The following RAC2 variants were observed in gnomAD, a reference collection of about 807,000 sequenced individuals.
RAC2 encodes ras-related C3 botulinum toxin substrate 2.
In RAC2, 1 loss-of-function variant was observed where a neutral mutation model predicts 24.0. The ratio of observed to expected loss-of-function variants is 0.04; its 90% confidence interval spans 0.01 to 0.20. The LOEUF (loss-of-function observed/expected upper bound fraction) is 0.20, where lower values mean the gene tolerates loss of function less well. Ranked by LOEUF, RAC2 falls within the 10% of genes least tolerant of loss-of-function variation. The pLI is 1.00. For synonymous variants in RAC2, 114 were observed against 106.8 expected, an observed-to-expected ratio of 1.07 and a Z score of -0.41; for missense variants, 130 against 259.1, an observed-to-expected ratio of 0.50 and a Z score of 3.42.
chr22:37,242,932 C>T (rs1052176123), intron 1 of RAC2, among the ~76,000 whole-genome samples: 4 of 152,214 alleles, frequency 2.6e-5, no homozygotes, highest in Non-Finnish European at 5.9e-5. Flanking sequence ...CAGGGTGAGC[C>T]TGTAGGCTGG....
At chr22:37,243,613 CGA>C (rs1180821892) in intron 1 of RAC2, among the ~76,000 whole-genome samples, 3 of 152,202 alleles carry the variant, frequency 2.0e-5, no homozygotes, top group African/African-American at 7.2e-5. Flanking sequence ...TTATCTCAAG[CGA>C]CCCCACAGCA....
intron 2 of RAC2, among the ~76,000 whole-genome samples, chr22:37,236,681 AG>A (rs1423639492): frequency 6.6e-6 from 1 of 152,146 alleles, no homozygotes; most frequent in Non-Finnish European, 1.5e-5. Context: ...CCCAGCACCC[AG>A]GTATCACCTG....
rs376828859 is a variant in RAC2 at position 37,232,938 on chromosome 22, C to T, written c.108-20G>A. On this transcript the variant is annotated intron_variant, in intron 2 of 6. Transcript: ENST00000249071. ...TCAAACCTGTGGGGAGCAGGCAAGG[C>T]GGAGGTAAGGTCAATCTCAAACCCC... 28 of 1,581,118 alleles carry T rather than the reference C, an allele frequency of 1.8e-5. No homozygotes were observed. The highest frequency in any genetic ancestry group is 1.2e-4 in the African/African-American group (9 of 74,294).
intron 1 of RAC2, 29 bp downstream of exon 1, chr22:37,244,085 G>A (rs1927489023): frequency 2.5e-6 from 4 of 1,614,014 alleles, no homozygotes; most frequent in Non-Finnish European, 3.4e-6. Context: ...CCAGTTGGGG[G>A]CTGTGAGGAA....
At position 37,226,693 on chromosome 22, in the gene RAC2, G is replaced by A. The variant is rs2145819256; in HGVS notation, c.559C>T (p.Arg187Cys). 2 of 1,612,940 alleles carry A rather than the reference G, an allele frequency of 1.2e-6. No homozygotes were observed. The highest frequency in any genetic ancestry group is 1.3e-5 in the African/African-American group (1 of 74,952). ...TACCCCTAGAGGAGGCTGCAGGCGC[G>A]CTTCTGCTGCCGCGTGGGCTGAGGG... ...LCPQPTRQQK[R>C]ACSLL The change falls in exon 6 of 7, where the codon CGC becomes TGC. Residue 187 changes from arginine (R) to cysteine (C), a missense_variant. Physicochemically the swap from Arg to Cys is radical, Grantham distance 180 (BLOSUM62 -3). Transcript: ENST00000249071.
chr22:37,240,805 G>T (rs1057012871), intron 2 of RAC2: 46 of 561,266 alleles, frequency 8.2e-5, no homozygotes, highest in African/African-American at 7.9e-4. Flanking sequence ...CTTTAGACAG[G>T]TGGATGTGGG....
chr22:37,232,360 C>T, intron 3 of RAC2: 1 of 435,762 alleles, frequency 2.3e-6, no homozygotes, highest in South Asian at 2.2e-5. Context: ...TACTCCAATC[C>T]ATATACTATC....
intron 1 of RAC2, 51 bp from the exon 2 acceptor site, chr22:37,241,709 C>G (rs369464677): frequency 6.5e-7 from 1 of 1,539,940 alleles, no homozygotes; most frequent in South Asian, 1.1e-5. Context: ...CTGCCGGAGA[C>G]GTGGGGAGGT....
In RAC2 at chr22:37,244,250, C is replaced by G; in HGVS notation, c.-102G>C. ...GGCTGGTGAGGCGCCTGCTGAGGAG[C>G]AGCGGTGGTGGGGCAGGAGGAAACG... On this transcript the variant is annotated 5_prime_UTR_variant, in exon 1 of 7. Coordinates refer to ENST00000249071, the MANE Select transcript of RAC2 (RefSeq NM_002872.5). 7.5e-7 allele frequency: 1 copy of G among 1,338,052 alleles called. No homozygotes were observed. 82.9% of individuals were successfully genotyped at this position (1,338,052 alleles called of 1,614,324 possible). A position where few individuals can be genotyped will look rare whatever the true frequency, so the allele number is the denominator to read the frequency against.
At chr22:37,243,295 T>C (rs1569093576) in intron 1 of RAC2, among the ~76,000 whole-genome samples, 1 of 152,184 alleles carries the variant, frequency 6.6e-6, no homozygotes, top group African/African-American at 2.4e-5. Context: ...CCACTGCACC[T>C]GGCCTGGACC....
At chr22:37,235,504 T>C (rs1601674132) in intron 2 of RAC2, among the ~76,000 whole-genome samples, 1 of 152,168 alleles carries the variant, frequency 6.6e-6, no homozygotes, top group Non-Finnish European at 1.5e-5. Flanking sequence ...CCAGCACTCC[T>C]TGGGGAACTC....
intron 2 of RAC2, among the ~76,000 whole-genome samples, chr22:37,239,356 C>T (rs1331321886): frequency 1.3e-5 from 2 of 152,184 alleles, no homozygotes; most frequent in Non-Finnish European, 2.9e-5. Context: ...GAGCATGGGG[C>T]CCTGTGCAAT....
chr22:37,241,512 G>A, intron 2 of RAC2, 75 bp downstream of exon 2: 1 of 1,456,810 alleles, frequency 6.9e-7, no homozygotes. Flanking sequence ...CCCACAGGAA[G>A]TGCCTGAAAG....
At chr22:37,234,450 G>A (rs1023807979) in intron 2 of RAC2, among the ~76,000 whole-genome samples, 7 of 152,156 alleles carry the variant, frequency 4.6e-5, no homozygotes, top group Non-Finnish European at 7.4e-5. Flanking sequence ...CAGTGACCAC[G>A]ACCAGTGCTC....
chr22:37,226,899 T>G, intron 5 of RAC2, 96 bp from the exon 6 acceptor site: 1 of 1,479,068 alleles, frequency 6.8e-7, no homozygotes, highest in Admixed American at 1.7e-5. Context: ...TTCCACGCCA[T>G]ACACCCCTCC....
intron 1 of RAC2, among the ~76,000 whole-genome samples, chr22:37,243,007 TG>T (rs1482907798): frequency 6.7e-6 from 1 of 148,584 alleles, no homozygotes; most frequent in Non-Finnish European, 1.5e-5. Context: ...TTTTATTTTG[TG>T]TTTTTTTAAG....
chr22:37,232,977 T>C (rs989147961), intron 2 of RAC2, 59 bp from the exon 3 acceptor site: 1 of 1,313,000 alleles, frequency 7.6e-7, no homozygotes. Flanking sequence ...ACCTGGGAAT[T>C]GTGGTCCAGC....
In RAC2 at chr22:37,239,369, G is replaced by A. The variant is rs995513521; in HGVS notation, c.107+2218C>T. ...CTGAGCATGGGGCCCTGTGCAATTG[G>A]ATAGGTGGCCACACGCATAGAGCTG... On this transcript the variant is annotated intron_variant, in intron 2 of 6. Coordinates refer to ENST00000249071, the MANE Select transcript of RAC2 (RefSeq NM_002872.5). 3.9e-5 allele frequency among the ~76,000 whole-genome samples: 6 copies of A among 152,330 alleles called. No individual in the cohort carries two copies. The South Asian group carries it at 1.2e-3, about 32-fold the overall frequency.
chr22:37,240,751 GA>G (rs1601677075), intron 2 of RAC2: 3 of 473,514 alleles, frequency 6.3e-6, no homozygotes, highest in East Asian at 7.3e-5. Context: ...TGGTAGATCA[GA>G]AAGGCTTCCC....
Sources: allele counts gnomAD v4.1 joint callset (sites outside exome capture counted in the v4.1 genomes callset), GRCh38; gene constraint gnomAD v4.1.1; transcripts MANE v1.5; gene names NCBI Gene and HGNC (gene_info 2026-07-23, HGNC 2026-07-21).